The following CCSER1 variants were observed in gnomAD, a reference collection of about 807,000 sequenced individuals.
CCSER1 encodes coiled-coil serine rich protein 1.
A neutral mutation model predicts 82.0 loss-of-function variants in CCSER1; 41 were observed. That is an observed-to-expected ratio of 0.50 (90% CI 0.39 to 0.65). CCSER1 has a LOEUF of 0.65. CCSER1 is among the 30% of genes least tolerant of loss of function. The pLI is 0.00. For synonymous variants in CCSER1, 414 were observed against 383.9 expected, an observed-to-expected ratio of 1.08 and a Z score of -0.92; for missense variants, 1,119 against 1,064.2, an observed-to-expected ratio of 1.05 and a Z score of -0.72.
At chr4:90,349,625 T>A (rs1743058245) in intron 3 of CCSER1, among the ~76,000 whole-genome samples, 1 of 152,134 alleles carries the variant, frequency 6.6e-6, no homozygotes, top group Non-Finnish European at 1.5e-5. Flanking sequence ...TGTCACGTAT[T>A]TCATTTTCTT....
chr4:91,186,685 A>G (rs1417568851), intron 10 of CCSER1, among the ~76,000 whole-genome samples: 2 of 152,232 alleles, frequency 1.3e-5, no homozygotes, highest in Admixed American at 6.5e-5. Flanking sequence ...CAAACCAGTC[A>G]TTAGCATTGT....
intron 10 of CCSER1, among the ~76,000 whole-genome samples, chr4:91,183,580 C>T (rs532996241): frequency 6.6e-6 from 1 of 152,180 alleles, no homozygotes; most frequent in South Asian, 2.1e-4. Flanking sequence ...TGTAATTTAA[C>T]AATCCGAGTT....
At chr4:90,180,979 C>G (rs960809814) in intron 1 of CCSER1, among the ~76,000 whole-genome samples, 3 of 152,182 alleles carry the variant, frequency 2.0e-5, no homozygotes, top group Non-Finnish European at 4.4e-5. Context: ...GTCTCAATTT[C>G]TTTATATATA....
chr4:91,216,252 C>A (rs1031271690), intron 10 of CCSER1, among the ~76,000 whole-genome samples: 1 of 152,140 alleles, frequency 6.6e-6, no homozygotes, highest in Non-Finnish European at 1.5e-5. Flanking sequence ...TATCACAGTG[C>A]GCATAAAATG....
At chr4:90,299,889 A>G (rs993326437) in intron 1 of CCSER1, among the ~76,000 whole-genome samples, 1 of 152,050 alleles carries the variant, frequency 6.6e-6, no homozygotes, top group African/African-American at 2.4e-5. Context: ...AAAATGATCA[A>G]TGTCCTTTGA....
chr4:90,432,275 G>C (rs897973939), intron 4 of CCSER1, among the ~76,000 whole-genome samples: 11 of 151,960 alleles, frequency 7.2e-5, no homozygotes, highest in Non-Finnish European at 1.2e-4. Flanking sequence ...TTTGCTATTT[G>C]TTGTTCAAAA....
At chr4:90,193,350 A>G (rs1345988768) in intron 1 of CCSER1, among the ~76,000 whole-genome samples, 2 of 152,084 alleles carry the variant, frequency 1.3e-5, no homozygotes, top group Non-Finnish European at 2.9e-5. Flanking sequence ...CTATGGTCGT[A>G]CTTCACATAT....
At chr4:91,082,551 T>C (rs1722888716) in intron 9 of CCSER1, among the ~76,000 whole-genome samples, 1 of 152,092 alleles carries the variant, frequency 6.6e-6, no homozygotes, top group African/African-American at 2.4e-5. Flanking sequence ...GAAGCCAAAA[T>C]TGACAAATGG....
intron 9 of CCSER1, among the ~76,000 whole-genome samples, chr4:91,048,566 C>A (rs1030097779): frequency 1.1e-4 from 16 of 151,984 alleles, no homozygotes; most frequent in African/African-American, 3.9e-4. Flanking sequence ...CATGGACAGG[C>A]TACAATAAGA....
chr4:91,121,133 T>TTC (rs915954334), intron 10 of CCSER1, among the ~76,000 whole-genome samples: 10 of 147,144 alleles, frequency 6.8e-5, no homozygotes, highest in African/African-American at 2.3e-4. Flanking sequence ...TTTTTTTTTT[T>TTC]CTCATGTGGG....
chr4:91,336,358 T>C (rs1463598632), intron 10 of CCSER1, among the ~76,000 whole-genome samples: 4 of 152,128 alleles, frequency 2.6e-5, no homozygotes, highest in Non-Finnish European at 5.9e-5. Context: ...TCTATAAAGC[T>C]ATAAATCCTA....
At chr4:90,410,108 C>T (rs1754447309) in intron 4 of CCSER1, among the ~76,000 whole-genome samples, 1 of 152,184 alleles carries the variant, frequency 6.6e-6, no homozygotes, top group African/African-American at 2.4e-5. Context: ...GCACCCATTA[C>T]AGGAGCACCC....
intron 10 of CCSER1, among the ~76,000 whole-genome samples, chr4:91,542,946 C>G (rs183755605): frequency 6.4e-4 from 97 of 152,116 alleles, no homozygotes; most frequent in African/African-American, 1.5e-3. Context: ...AAGTCTCTTT[C>G]TAGGTCTCTA....
intron 8 of CCSER1, among the ~76,000 whole-genome samples, chr4:90,855,060 C>A (rs531187277): frequency 6.6e-6 from 1 of 152,156 alleles, no homozygotes; most frequent in African/African-American, 2.4e-5. Flanking sequence ...CTCGTGAGAA[C>A]TCACTCACGA....
At chr4:90,331,008 TC>T (rs1271360703) in intron 3 of CCSER1, among the ~76,000 whole-genome samples, 1 of 152,086 alleles carries the variant, frequency 6.6e-6, no homozygotes, top group African/African-American at 2.4e-5. Flanking sequence ...AATTTTTTTT[TC>T]CTTTTGTAAA....
chr4:90,595,304 AT>A (rs1218455259), intron 5 of CCSER1, among the ~76,000 whole-genome samples: 1 of 152,008 alleles, frequency 6.6e-6, no homozygotes, highest in Non-Finnish European at 1.5e-5. Context: ...AACAGCTGAG[AT>A]TTTTATATTG....
intron 7 of CCSER1, among the ~76,000 whole-genome samples, chr4:90,772,028 C>A (rs1752252925): frequency 6.6e-6 from 1 of 152,060 alleles, no homozygotes; most frequent in African/African-American, 2.4e-5. Flanking sequence ...ATATAACCAG[C>A]TTTAGTTCTA....
At chr4:91,480,108 TA>T in intron 10 of CCSER1, among the ~76,000 whole-genome samples, 1 of 150,980 alleles carries the variant, frequency 6.6e-6, no homozygotes, top group East Asian at 1.9e-4. Context: ...TTCCATGGTG[TA>T]TATGTGCCAC....
intron 9 of CCSER1, among the ~76,000 whole-genome samples, chr4:91,069,600 T>A (rs1409868407): frequency 6.6e-6 from 1 of 152,166 alleles, no homozygotes; most frequent in Non-Finnish European, 1.5e-5. Context: ...AGAAGAATAG[T>A]CAGTACACAA....
Sources: gnomAD v4.1 joint callset for allele counts (sites outside exome capture counted in the v4.1 genomes callset) on GRCh38, gnomAD v4.1.1 for gene constraint, MANE v1.5 for transcripts, NCBI Gene and HGNC (gene_info 2026-07-23, HGNC 2026-07-21) for gene names.